The following F2 variants were observed in gnomAD, a reference collection of about 807,000 sequenced individuals.
The protein encoded by F2 is prothrombin.
A neutral mutation model predicts 81.9 loss-of-function variants in F2; 34 were observed. That is an observed-to-expected ratio of 0.42 (90% CI 0.32 to 0.55). The LOEUF (loss-of-function observed/expected upper bound fraction) is 0.55. Ranked by LOEUF, F2 falls within the 20% of genes least tolerant of loss-of-function variation. F2 has a pLI of 0.18. For missense variants in F2, 630 were observed against 833.4 expected (o/e 0.76, Z 3.00); for synonymous variants, 296 against 326.4 (o/e 0.91, Z 1.01).
intron 6 of F2, 67 bp from the exon 7 acceptor site, chr11:46,725,792 C>A (rs1208736214): frequency 6.4e-7 from 1 of 1,561,992 alleles, no homozygotes; most frequent in African/African-American, 1.4e-5. Context: ...GGGGTTCACA[C>A]CCCTGTCTGT....
At chr11:46,720,960 C>A in intron 4 of F2, 120 bp downstream of exon 4, 1 of 1,023,028 alleles carries the variant, frequency 9.8e-7, no homozygotes, top group Non-Finnish European at 1.5e-6. Context: ...TCTGACATTG[C>A]TCCCATTCCT....
Position 46,726,976 on chromosome 11 carries a change from A to G in F2, c.1130+139A>G. The stretch of plus-strand genomic sequence containing the variant: ...ATCCAGGATCCCACCAACTCCACAC[A>G]GCAGCCACATGAGATGGGTTGTTTA... On this transcript the variant is annotated intron_variant, in intron 9 of 13. Coordinates refer to ENST00000311907, the MANE Select transcript of F2 (RefSeq NM_000506.5). This position sits in a 1 kb window ranked among gnomAD's most constrained non-coding sequence, Gnocchi z 5.9. The G allele has an allele frequency of 7.6e-7, 1 of 1,308,024 alleles. No homozygotes were observed. The highest frequency in any genetic ancestry group is 2.3e-5 in the East Asian group (1 of 42,892). 81.0% of individuals were successfully genotyped at this position (1,308,024 alleles called of 1,614,324 possible). A position where few individuals can be genotyped will look rare whatever the true frequency, so the allele number is the denominator to read the frequency against.
At position 46,723,360 on chromosome 11, in the gene F2, G is replaced by C. The variant is rs1317691301; in HGVS notation, c.423-22G>C. 4 of 1,613,532 alleles carry C rather than the reference G, an allele frequency of 2.5e-6. No individual in the cohort carries two copies. The highest frequency in any genetic ancestry group is 2.2e-5 in the South Asian group (2 of 91,068). ...CGTACCTCAAGCCCAACAGCCTCCT[G>C]TTGGGCAATTTCCTGTTCCAGAATC... On this transcript the variant is annotated intron_variant, in intron 5 of 13. Transcript: ENST00000311907. The surrounding 1 kb of genome is among the most constrained non-coding windows in gnomAD (Gnocchi z 5.6).
At chr11:46,724,872 G>C (rs1462243054) in intron 6 of F2, among the ~76,000 whole-genome samples, 1 of 151,716 alleles carries the variant, frequency 6.6e-6, no homozygotes, top group Admixed American at 6.6e-5. Context: ...CTGGGTTCAA[G>C]CGATTCCCCT....
intron 6 of F2, among the ~76,000 whole-genome samples, chr11:46,725,061 C>T (rs935360262): frequency 2.8e-5 from 4 of 141,204 alleles, no homozygotes; most frequent in South Asian, 2.3e-4. Context: ...TGAGGCACTG[C>T]GCCCGGCCTT....
rs907662019 is a variant in F2 at position 46,739,315 on chromosome 11, A to C, written c.1776A>C (p.Glu592Asp). The change falls in exon 14 of 14, where the codon GAA becomes GAC. Residue 592 changes from glutamate to aspartate, a missense_variant. Coordinates refer to ENST00000311907, the MANE Select transcript of F2 (RefSeq NM_000506.5). Reference protein sequence around the residue: ...WYQMGIVSWGEGCDRDGKYGF... With the variant: ...WYQMGIVSWGDGCDRDGKYGF... ...AAATGGGCATCGTCTCATGGGGTGA[A>C]GGCTGTGACCGGGATGGGAAATATG... 1 of 1,614,130 alleles carries C rather than the reference A, an allele frequency of 6.2e-7. No homozygotes were observed. The highest frequency in any genetic ancestry group is 1.3e-5 in the African/African-American group (1 of 75,038).
At chr11:46,738,892 G>A (rs2064960285) in intron 12 of F2, among the ~76,000 whole-genome samples, 156 bp from the exon 13 acceptor site, 1 of 152,190 alleles carries the variant, frequency 6.6e-6, no homozygotes, top group African/African-American at 2.4e-5. Context: ...AGGTAGAGCC[G>A]ACAAGATTTG....
rs779654990 is a variant in F2, at chr11:46,726,649, G to T, written c.1003+23G>T. On this transcript the variant is annotated intron_variant, in intron 8 of 13. Transcript: ENST00000311907. This position sits in a 1 kb window ranked among gnomAD's most constrained non-coding sequence, Gnocchi z 5.9. ...CAGGTGAGGTAGTGGGCATCCGAGG[G>T]GATGCGGGGCTGCGGGGCTGGTGGC... The T allele has an allele frequency of 7.4e-6, 12 of 1,613,590 alleles. 1 individual carries two copies. In the South Asian group the frequency reaches 1.2e-4, roughly 16 times the overall value.
chr11:46,720,134 A>C (rs1004011450), intron 2 of F2: 11 of 573,408 alleles, frequency 1.9e-5, no homozygotes, highest in African/African-American at 1.9e-4. Context: ...CTGTGTCCAC[A>C]TGGCCTCCTC....
At chr11:46,722,565 G>C (rs1236664249) in intron 4 of F2, among the ~76,000 whole-genome samples, 1 of 152,170 alleles carries the variant, frequency 6.6e-6, no homozygotes, top group African/African-American at 2.4e-5. Context: ...TTCAGTCTCG[G>C]CAACAGAACA....
chr11:46,726,808 C>T lies in F2; in HGVS notation c.1101C>T (p.Gly367=). The T allele has an allele frequency of 6.2e-7, 1 of 1,614,178 alleles. No individual in the cohort carries two copies. The highest frequency in any genetic ancestry group is 1.1e-5 in the South Asian group (1 of 91,082). The change falls in exon 9 of 14, where the codon GGC becomes GGT. Residue 367 remains glycine (G), a synonymous_variant. Coordinates refer to ENST00000311907, the MANE Select transcript of F2 (RefSeq NM_000506.5). This position sits in a 1 kb window ranked among gnomAD's most constrained non-coding sequence, Gnocchi z 5.9. ...ACATCGACGGGCGCATTGTGGAGGG[C>T]TCGGATGCAGAGATCGGCATGTCAC... ...ESYIDGRIVE[G]SDAEIGMSPW... is the part of the protein sequence containing the mutation.
At chr11:46,721,277 C>T (rs530974621) in intron 4 of F2, among the ~76,000 whole-genome samples, 5 of 152,214 alleles carry the variant, frequency 3.3e-5, no homozygotes, top group South Asian at 2.1e-4. Flanking sequence ...CTCCTGACCT[C>T]GTGATCCACC....
chr11:46,725,082 T>C (rs575860929), intron 6 of F2, among the ~76,000 whole-genome samples: 1 of 136,224 alleles, frequency 7.3e-6, no homozygotes, highest in African/African-American at 2.6e-5. Flanking sequence ...TTTTTTTTTT[T>C]TTTTTGAGAT....
intron 12 of F2, among the ~76,000 whole-genome samples, chr11:46,730,399 G>A (rs2064903998): frequency 6.6e-6 from 1 of 152,038 alleles, no homozygotes; most frequent in South Asian, 2.1e-4. Flanking sequence ...GGGAAGGAAG[G>A]AGTGAGCAGG....
rs1309051707 is a variant in F2, at chr11:46,719,414, A to G, written c.79+100A>G. The stretch of plus-strand genomic sequence containing the variant: ...GACAGAGCACACAGAGCTGGCCCCT[A>G]AGTAGGTCTCAGCCCCAGGCGGCCA... On this transcript the variant is annotated intron_variant, in intron 1 of 13. Coordinates refer to ENST00000311907, the MANE Select transcript of F2 (RefSeq NM_000506.5). This position sits in a 1 kb window ranked among gnomAD's most constrained non-coding sequence, Gnocchi z 4.7. 1 of 1,394,426 alleles carries G rather than the reference A, an allele frequency of 7.2e-7. No individual in the cohort carries two copies. The highest frequency in any genetic ancestry group is 2.5e-5 in the East Asian group (1 of 40,370). The allele number at this position is 1,394,426 out of a possible 1,614,324, so 86.4% of individuals were successfully genotyped here. A position where few individuals can be genotyped will look rare whatever the true frequency, so the allele number is the denominator to read the frequency against.
At chr11:46,730,786 T>A (rs747227694) in intron 12 of F2, among the ~76,000 whole-genome samples, 23 of 140,296 alleles carry the variant, frequency 1.6e-4, no homozygotes, top group East Asian at 1.5e-3. Flanking sequence ...GTGGGAATTT[T>A]TATATATATA....
In F2 at chr11:46,719,228, G is replaced by A; in HGVS notation, c.-8G>A. ...ACAATTCCTCAGTGACCCAGGAGCTGACACACTATGGCGCACGTCCGAGGC... is the reference window on the plus strand; with the variant it reads ...ACAATTCCTCAGTGACCCAGGAGCTAACACACTATGGCGCACGTCCGAGGC... On this transcript the variant is annotated 5_prime_UTR_variant, in exon 1 of 14. Transcript: ENST00000311907. This position sits in a 1 kb window ranked among gnomAD's most constrained non-coding sequence, Gnocchi z 4.7. 1 of 1,613,840 alleles carries A rather than the reference G, an allele frequency of 6.2e-7. No homozygotes were observed. Among genetic ancestry groups the A allele is most frequent in the East Asian group, 2.2e-5 (1 of 44,886 alleles).
In F2 at chr11:46,739,250, ATCTT is replaced by A. The variant is rs766604500; in HGVS notation, c.1726-10_1726-7del. The A allele has an allele frequency of 8.1e-6, 13 of 1,613,712 alleles. No individual in the cohort carries two copies. The highest frequency in any genetic ancestry group is 1.3e-5 in the African/African-American group (1 of 75,050). On this transcript the variant is annotated splice_polypyrimidine_tract_variant and intron_variant, in intron 13 of 13. Coordinates refer to ENST00000311907, the MANE Select transcript of F2 (RefSeq NM_000506.5). ...TGAACTTGACTCTATTGGAAACCTC[ATCTT>A]TCTTCTTCAGAGCCCCTTTAACAAC... is the stretch of plus-strand genomic sequence containing the variant.
rs929405365 is a variant in F2 at position 46,726,058 on chromosome 11, A to T, written c.759A>T (p.Ser253=). Residue 253 remains serine (S), a synonymous_variant, in exon 7 of 14, where the codon TCA becomes TCT. Coordinates refer to ENST00000311907, the MANE Select transcript of F2 (RefSeq NM_000506.5). This position sits in a 1 kb window ranked among gnomAD's most constrained non-coding sequence, Gnocchi z 5.9. The part of the protein sequence containing the change: ...KALSKHQDFN[S]AVQLVENFCR... Reference sequence around the variant, plus strand: ...TGAGCAAGCACCAGGACTTCAACTCAGCTGTGCAGCTGGTGGAGAACTTCT... The same window carrying T: ...TGAGCAAGCACCAGGACTTCAACTCTGCTGTGCAGCTGGTGGAGAACTTCT... 9.9e-6 allele frequency: 16 copies of T among 1,614,180 alleles called. No homozygotes were observed. Among genetic ancestry groups the T allele is most frequent in the Non-Finnish European group, 1.4e-5 (16 of 1,180,034 alleles).
Sources: allele counts gnomAD v4.1 joint callset (sites outside exome capture counted in the v4.1 genomes callset), GRCh38; gene constraint gnomAD v4.1.1; non-coding constraint Gnocchi (gnomAD v3.1); transcripts MANE v1.5; gene names NCBI Gene and HGNC (gene_info 2026-07-23, HGNC 2026-07-21).